Variants in SOX5 observed in about 807,000 individuals in gnomAD.
SOX5 encodes transcription factor SOX-5.
Under a neutral mutation model 92.0 loss-of-function variants are expected in SOX5, and 9 were observed. The observed-to-expected ratio is 0.10, with a 90% CI of 0.06 to 0.17. SOX5 has a LOEUF of 0.17. SOX5 is among the 10% of genes least tolerant of loss of function. SOX5 has a pLI of 1.00. For missense variants in SOX5, 642 were observed against 944.5 expected, an observed-to-expected ratio of 0.68 and a Z score of 4.20; for synonymous variants, 344 against 336.3, an observed-to-expected ratio of 1.02 and a Z score of -0.25.
At chr12:24,040,482 C>T (rs915565319) in intron 4 of SOX5, among the ~76,000 whole-genome samples, 2 of 152,204 alleles carry the variant, frequency 1.3e-5, no homozygotes, top group African/African-American at 4.8e-5. Context: ...TCAAAAACTA[C>T]ATGAATCTTC....
intron 4 of SOX5, among the ~76,000 whole-genome samples, chr12:24,040,112 A>G (rs372050552): frequency 1.3e-5 from 2 of 152,208 alleles, no homozygotes; most frequent in African/African-American, 4.8e-5. Flanking sequence ...TTATGTTAAC[A>G]TTATTTTCCC....
chr12:23,850,966 C>A (rs984857655), intron 2 of SOX5, among the ~76,000 whole-genome samples: 1 of 151,866 alleles, frequency 6.6e-6, no homozygotes, highest in African/African-American at 2.4e-5. Flanking sequence ...TCTTATGAAC[C>A]ATGGATTCCA....
chr12:23,983,185 A>G (rs1279365839), intron 4 of SOX5, among the ~76,000 whole-genome samples: 1 of 151,540 alleles, frequency 6.6e-6, no homozygotes, highest in Non-Finnish European at 1.5e-5. Context: ...AAATGGGCAG[A>G]TGCCATCCTA....
intron 2 of SOX5, among the ~76,000 whole-genome samples, chr12:24,360,226 C>G (rs1201166727): frequency 6.6e-6 from 1 of 152,182 alleles, no homozygotes; most frequent in Non-Finnish European, 1.5e-5. Context: ...CAGGATGTCA[C>G]TATTCCCTTA....
chr12:23,951,111 A>G, upstream of SOX5: 1 of 493,124 alleles, frequency 2.0e-6, no homozygotes, highest in Non-Finnish European at 3.7e-6. Context: ...AAAGCCTTCC[A>G]TTGTTGAGAG....
intron 1 of SOX5, among the ~76,000 whole-genome samples, chr12:23,937,247 A>T (rs908186875): frequency 6.0e-5 from 9 of 150,964 alleles, no homozygotes; most frequent in African/African-American, 2.2e-4. Flanking sequence ...ATGCTAAGGA[A>T]CAGTCTATAA....
intron 5 of SOX5, among the ~76,000 whole-genome samples, chr12:23,736,589 A>C (rs1315852088): frequency 2.0e-5 from 3 of 152,220 alleles, no homozygotes; most frequent in Admixed American, 6.5e-5. Context: ...CTGCGCAAAA[A>C]AATTTATTTC....
intron 1 of SOX5, among the ~76,000 whole-genome samples, chr12:24,506,414 A>G (rs1292544587): frequency 1.0e-5 from 1 of 99,064 alleles, no homozygotes; most frequent in African/African-American, 4.2e-5. Flanking sequence ...TACAAAAAAA[A>G]AAAAAGAGAG....
intron 1 of SOX5, among the ~76,000 whole-genome samples, chr12:24,491,460 T>C (rs1320512061): frequency 6.6e-6 from 1 of 151,974 alleles, no homozygotes; most frequent in Non-Finnish European, 1.5e-5. Context: ...TTGCTAGTGT[T>C]TGGTCAAAAA....
chr12:23,606,398 T>A (rs1169183916), intron 8 of SOX5, among the ~76,000 whole-genome samples: 2 of 151,712 alleles, frequency 1.3e-5, no homozygotes, highest in Non-Finnish European at 3.0e-5. Context: ...GGATAAAAGT[T>A]CCTATTACTG....
intron 1 of SOX5, among the ~76,000 whole-genome samples, chr12:23,919,809 A>G (rs1306973270): frequency 2.6e-5 from 4 of 152,226 alleles, no homozygotes; most frequent in African/African-American, 9.6e-5. Context: ...TCTGAAGTGC[A>G]TTACAGACAG....
intron 4 of SOX5, among the ~76,000 whole-genome samples, chr12:24,027,871 A>G (rs1327511720): frequency 6.6e-6 from 1 of 151,870 alleles, no homozygotes. Flanking sequence ...ATGCGAAACC[A>G]GTCACAACAG....
chr12:24,494,029 C>T (rs910988709), intron 1 of SOX5, among the ~76,000 whole-genome samples: 1 of 152,160 alleles, frequency 6.6e-6, no homozygotes, highest in Non-Finnish European at 1.5e-5. Context: ...CTGAAAAGTA[C>T]ACAGCTCTTT....
At chr12:24,048,932 T>C (rs1957291555) in intron 4 of SOX5, among the ~76,000 whole-genome samples, 1 of 152,158 alleles carries the variant, frequency 6.6e-6, no homozygotes, top group Admixed American at 6.5e-5. Flanking sequence ...TGTTTTAGCT[T>C]TGATTGTGGT....
At chr12:24,363,117 T>C (rs1271878420) in intron 2 of SOX5, among the ~76,000 whole-genome samples, 1 of 152,170 alleles carries the variant, frequency 6.6e-6, no homozygotes, top group African/African-American at 2.4e-5. Flanking sequence ...GTTATTTAAA[T>C]AATGAAAATT....
chr12:24,352,349 C>T (rs561413484), intron 2 of SOX5, among the ~76,000 whole-genome samples: 6 of 152,016 alleles, frequency 3.9e-5, no homozygotes, highest in Non-Finnish European at 8.8e-5. Flanking sequence ...GAAACAAATA[C>T]AAAGCAATCC....
At chr12:24,446,299 G>A (rs970867750) in intron 1 of SOX5, among the ~76,000 whole-genome samples, 8 of 152,066 alleles carry the variant, frequency 5.3e-5, no homozygotes, top group African/African-American at 1.7e-4. Flanking sequence ...CCTAGATTGG[G>A]TGGCAAAAAA....
intron 4 of SOX5, among the ~76,000 whole-genome samples, chr12:23,994,491 T>A (rs75597412): frequency 0.028 from 4,191 of 152,314 alleles, 85 homozygotes; most frequent in South Asian, 0.075. Context: ...GTGCCTGTTA[T>A]CTGTATCGGT....
intron 2 of SOX5, among the ~76,000 whole-genome samples, chr12:24,288,852 G>A (rs1316331452): frequency 6.6e-6 from 1 of 151,898 alleles, no homozygotes; most frequent in East Asian, 1.9e-4. Flanking sequence ...TACTTGCGAA[G>A]TTTTTCAATA....
Sources: allele counts gnomAD v4.1 joint callset (sites outside exome capture counted in the v4.1 genomes callset), GRCh38; gene constraint gnomAD v4.1.1; transcripts MANE v1.5; gene names NCBI Gene and HGNC (gene_info 2026-07-23, HGNC 2026-07-21).